RAB28: variants seen among roughly 807,000 people sequenced by gnomAD.
RAB28 encodes ras-related protein Rab-28.
Under a neutral mutation model 31.7 loss-of-function variants are expected in RAB28, and 24 were observed. The ratio of observed to expected loss-of-function variants is 0.76; its 90% CI spans 0.55 to 1.06. The LOEUF (loss-of-function observed/expected upper bound fraction) is 1.06, where lower values mean the gene tolerates loss of function less well. Ranked by LOEUF, RAB28 falls within the 50% of genes least tolerant of loss-of-function variation. The probability of loss-of-function intolerance (pLI) is 0.00; values close to 1 mark genes in which losing one functional copy is unlikely to be tolerated. For missense variants in RAB28, 254 were observed against 258.5 expected, an observed-to-expected ratio of 0.98 and a Z score of 0.12; for synonymous variants, 100 against 90.4, an observed-to-expected ratio of 1.11 and a Z score of -0.60.
At chr4:13,435,421 A>G (rs114650708) in intron 4 of RAB28, among the ~76,000 whole-genome samples, 87 of 152,270 alleles carry the variant, frequency 5.7e-4, no homozygotes, top group African/African-American at 1.5e-3. Context: ...AAAAAATATA[A>G]AGGATAAATG....
chr4:13,474,294 G>A (rs1278216542), intron 3 of RAB28, 24 bp downstream of exon 3: 2 of 1,447,982 alleles, frequency 1.4e-6, no homozygotes, highest in South Asian at 1.2e-5. Context: ...TTCAATACTG[G>A]AATAATCAGA....
In RAB28 at chr4:13,479,540, G is replaced by A. The variant is rs1716515171; in HGVS notation, c.76-14C>T. 3 of 1,491,062 alleles carry A rather than the reference G, an allele frequency of 2.0e-6. 1 individual carries two copies. Among genetic ancestry groups the A allele is most frequent in the African/African-American group, 1.4e-5 (1 of 71,826 alleles). 92.4% of individuals were successfully genotyped at this position (1,491,062 alleles called of 1,614,324 possible). ...AGTTAAGGAGGTCTAAAAAATTGATGCACAGAATGTCAAAATTAATTCATT... is the reference window on the plus strand; with the variant it reads ...AGTTAAGGAGGTCTAAAAAATTGATACACAGAATGTCAAAATTAATTCATT... On this transcript the variant is annotated splice_polypyrimidine_tract_variant and intron_variant, in intron 1 of 6. Coordinates refer to ENST00000330852, the MANE Select transcript of RAB28 (RefSeq NM_001017979.3).
At chr4:13,480,682 G>C (rs1716569828) in intron 1 of RAB28, among the ~76,000 whole-genome samples, 1 of 151,822 alleles carries the variant, frequency 6.6e-6, no homozygotes. Flanking sequence ...ATATTTTTGG[G>C]TTTAAATACC....
intron 4 of RAB28, among the ~76,000 whole-genome samples, chr4:13,446,425 A>C (rs1714701681): frequency 6.6e-6 from 1 of 152,160 alleles, no homozygotes; most frequent in Non-Finnish European, 1.5e-5. Context: ...ATATGAAAAA[A>C]TTCCTGCTGC....
intron 4 of RAB28, among the ~76,000 whole-genome samples, chr4:13,404,658 C>A (rs1711968117): frequency 6.6e-6 from 1 of 152,066 alleles, no homozygotes; most frequent in Non-Finnish European, 1.5e-5. Context: ...GCAAAGAATT[C>A]AGTTCATTGT....
At chr4:13,403,886 T>C (rs1421732268) in intron 4 of RAB28, among the ~76,000 whole-genome samples, 3 of 152,162 alleles carry the variant, frequency 2.0e-5, no homozygotes, top group Non-Finnish European at 2.9e-5. Context: ...CAAAATGCAT[T>C]TAGCCAAATT....
Position 13,381,471 on chromosome 4 carries a change from G to C in RAB28, c.495+20C>G. 2 of 1,499,614 alleles carry C rather than the reference G, an allele frequency of 1.3e-6. No individual in the cohort carries two copies. Among genetic ancestry groups the C allele is most frequent in the East Asian group, 4.5e-5 (2 of 44,198 alleles). 92.9% of individuals were successfully genotyped at this position (1,499,614 alleles called of 1,614,324 possible). On this transcript the variant is annotated intron_variant, in intron 5 of 6. Transcript: ENST00000330852. ...AAATAAAAGGAAAACATCACATACA[G>C]TATTCATTATTTTACTTACAGAGTC...
chr4:13,469,258 G>C (rs1716007953), intron 3 of RAB28, among the ~76,000 whole-genome samples: 1 of 151,906 alleles, frequency 6.6e-6, no homozygotes, highest in African/African-American at 2.4e-5. Flanking sequence ...GCAATCTTAT[G>C]GTCATCTAAA....
At chr4:13,370,290 T>C (rs1346614019) in intron 6 of RAB28, 37 of 963,290 alleles carry the variant, frequency 3.8e-5, no homozygotes, top group African/African-American at 7.1e-5. Context: ...ATATAACATA[T>C]ATAATGCCCA....
chr4:13,474,437 G>C, intron 2 of RAB28, 31 bp from the exon 3 acceptor site: 2 of 1,309,208 alleles, frequency 1.5e-6, no homozygotes, highest in Admixed American at 1.9e-5. Context: ...ATAAAAATAA[G>C]AATACCAAAA....
chr4:13,473,925 C>A (rs980955465), intron 3 of RAB28: 1 of 360,440 alleles, frequency 2.8e-6, no homozygotes, highest in Admixed American at 4.0e-5. Flanking sequence ...TATAGATATA[C>A]TTTCAGTCCT....
intron 3 of RAB28, among the ~76,000 whole-genome samples, chr4:13,473,098 A>G (rs1456887212): frequency 2.0e-5 from 3 of 151,952 alleles, no homozygotes; most frequent in Non-Finnish European, 1.5e-5. Context: ...CTATAGCCAT[A>G]CTGTCCTTCT....
rs932562141 is a variant in RAB28, at chr4:13,484,294, G to C, written c.-144C>G. On this transcript the variant is annotated 5_prime_UTR_variant, in exon 1 of 7. Transcript: ENST00000330852. ...TCCGCGCCGGCAGGAGGTATTCGAG[G>C]AGAATCACTCGGCAAGCGCCATCTT... 1.5e-6 allele frequency: 1 copy of C among 658,296 alleles called. No individual in the cohort carries two copies. The highest frequency in any genetic ancestry group is 2.8e-6 in the Non-Finnish European group (1 of 360,930). The allele number at this position is 658,296 out of a possible 1,614,324, so 40.8% of individuals were successfully genotyped here.
At chr4:13,416,528 G>C (rs1245387269) in intron 4 of RAB28, among the ~76,000 whole-genome samples, 1 of 152,112 alleles carries the variant, frequency 6.6e-6, no homozygotes, top group African/African-American at 2.4e-5. Flanking sequence ...TAAATTCTAA[G>C]AGAATAGAAA....
At chr4:13,425,348 G>A (rs999871746) in intron 4 of RAB28, among the ~76,000 whole-genome samples, 1 of 152,116 alleles carries the variant, frequency 6.6e-6, no homozygotes, top group African/African-American at 2.4e-5. Context: ...ATTGATTCTG[G>A]AATCAAAGAA....
In RAB28 at chr4:13,465,900, G is replaced by C. The variant is rs938474178; in HGVS notation, c.262-5072C>G. Among the ~76,000 whole-genome samples, 89 of 151,746 alleles carry C rather than the reference G, an allele frequency of 5.9e-4. 1 individual carries two copies. Among genetic ancestry groups the C allele is most frequent in the Middle Eastern group, 3.4e-3 (1 of 292 alleles). On this transcript the variant is annotated intron_variant, in intron 3 of 6. Transcript: ENST00000330852. ...CATTAACCAACAGAACATAATTAGAGAGTCCAGAAATGAGCCATACATGTA... is the reference window on the plus strand; with the variant it reads ...CATTAACCAACAGAACATAATTAGACAGTCCAGAAATGAGCCATACATGTA...
chr4:13,474,202 G>C, intron 3 of RAB28, 116 bp downstream of exon 3: 1 of 787,732 alleles, frequency 1.3e-6, no homozygotes, highest in Non-Finnish European at 2.3e-6. Flanking sequence ...TTCTCTCTAC[G>C]TATCAGATAA....
At chr4:13,380,735 G>A (rs1475189826) in intron 5 of RAB28, among the ~76,000 whole-genome samples, 1 of 151,800 alleles carries the variant, frequency 6.6e-6, no homozygotes, top group African/African-American at 2.4e-5. Context: ...CTCCTTTCAA[G>A]GAATCTACCT....
chr4:13,407,034 T>C (rs1425269849), intron 4 of RAB28, among the ~76,000 whole-genome samples: 1 of 152,238 alleles, frequency 6.6e-6, no homozygotes, highest in African/African-American at 2.4e-5. Context: ...TGGCTTTTGT[T>C]GCCATTGCTT....
Sources: allele counts gnomAD v4.1 joint callset (sites outside exome capture counted in the v4.1 genomes callset), GRCh38; gene constraint gnomAD v4.1.1; transcripts MANE v1.5; gene names NCBI Gene and HGNC (gene_info 2026-07-23, HGNC 2026-07-21).